The following INSR variants were observed in gnomAD, a reference collection of about 807,000 sequenced individuals.
INSR encodes the protein insulin receptor.
A neutral mutation model predicts 142.6 loss-of-function variants in INSR; 67 were observed. The observed-to-expected ratio is 0.47, with a 90% CI of 0.39 to 0.58. INSR has a LOEUF of 0.58. INSR is among the 20% of genes least tolerant of loss of function. The probability of loss-of-function intolerance (pLI) is 0.00; values close to 1 mark genes in which losing one functional copy is unlikely to be tolerated. For synonymous variants in INSR, 756 were observed against 743.1 expected (o/e 1.02, Z -0.28); for missense variants, 1,248 against 1,833.2 (o/e 0.68, Z 5.83).
At chr19:7,120,026 T>G (rs1972450241) in intron 20 of INSR, among the ~76,000 whole-genome samples, 1 of 152,190 alleles carries the variant, frequency 6.6e-6, no homozygotes, top group Non-Finnish European at 1.5e-5. Context: ...CCCAAATCAC[T>G]AAACTCAAGG....
intron 5 of INSR, 27 bp downstream of exon 5, chr19:7,172,263 G>A (rs1447349225): frequency 1.9e-6 from 3 of 1,612,976 alleles, no homozygotes; most frequent in Non-Finnish European, 2.5e-6. Flanking sequence ...TAGCACTCAG[G>A]CCATACACAC....
Position 7,125,853 on chromosome 19 carries a change from C to T in INSR, c.3014-326G>A, listed in dbSNP as rs1207792934. Among the ~76,000 whole-genome samples the T allele has an allele frequency of 6.6e-6, 1 of 152,076 alleles. No individual in the cohort carries two copies. The highest frequency in any genetic ancestry group is 2.1e-4 in the South Asian group (1 of 4,830). ...TGATGCTACTTCCCACCTGAGACTA[C>T]TGTTTCTGCAAAGTGCCAAGGGGAT... On this transcript the variant is annotated intron_variant, in intron 16 of 21. Coordinates refer to ENST00000302850, the MANE Select transcript of INSR (RefSeq NM_000208.4). The surrounding 1 kb of genome is among the most constrained non-coding windows in gnomAD (Gnocchi z 4.9).
At chr19:7,205,064 A>ACTC (rs2034259335) in intron 2 of INSR, among the ~76,000 whole-genome samples, 2 of 152,244 alleles carry the variant, frequency 1.3e-5, no homozygotes, top group Admixed American at 1.3e-4. Context: ...AGCTTGGGCA[A>ACTC]CAAAAGTGAA....
intron 13 of INSR, among the ~76,000 whole-genome samples, chr19:7,137,420 T>C (rs903079325): frequency 3.9e-5 from 6 of 151,900 alleles, no homozygotes; most frequent in African/African-American, 1.5e-4. Flanking sequence ...TGCAAAGAAA[T>C]GAGGTTTGGA....
At chr19:7,182,493 A>G (rs979367256) in intron 3 of INSR, among the ~76,000 whole-genome samples, 1 of 152,182 alleles carries the variant, frequency 6.6e-6, no homozygotes, top group Non-Finnish European at 1.5e-5. Context: ...AGCCTGGGTG[A>G]CAGAGTGAGG....
chr19:7,217,864 TTTTTTC>T (rs2145090738), intron 2 of INSR, among the ~76,000 whole-genome samples: 1 of 152,360 alleles, frequency 6.6e-6, no homozygotes, highest in Admixed American at 6.5e-5. Flanking sequence ...CGGCCTTCTT[TTTTTTC>T]TTTTGTAAAA....
At chr19:7,169,821 C>T (rs1017394728) in intron 6 of INSR, among the ~76,000 whole-genome samples, 12 of 152,098 alleles carry the variant, frequency 7.9e-5, no homozygotes, top group Admixed American at 2.0e-4. Flanking sequence ...GACTTCATCC[C>T]GTATCCGGTA....
At position 7,125,276 on chromosome 19, in the gene INSR, G is replaced by T. The variant is rs1227799129; in HGVS notation, c.3258+7C>A. 6.2e-7 allele frequency: 1 copy of T among 1,613,928 alleles called. No homozygotes were observed. Among genetic ancestry groups the T allele is most frequent in the Admixed American group, 1.7e-5 (1 of 60,018 alleles). ...GCCAGCCCATGTCCCACCCCCACTG[G>T]ACTCACCACGTGATGGCAGGTGAAG... is the stretch of plus-strand genomic sequence containing the variant. On this transcript the variant is annotated splice_region_variant and intron_variant, in intron 17 of 21. Coordinates refer to ENST00000302850, the MANE Select transcript of INSR (RefSeq NM_000208.4). The surrounding 1 kb of genome is among the most constrained non-coding windows in gnomAD (Gnocchi z 4.9).
Position 7,293,873 on chromosome 19 carries a change from G to T in INSR, c.19C>A (p.Arg7=), listed in dbSNP as rs1378312415. MATGGR[R]GAAAAPLLVA... ...AGCAGCGGCGCGGCCGCCGCCCCCC[G>T]CCGGCCCCCGGTGGCCATGGCTGCG... The change falls in exon 1 of 22, where the codon CGG becomes AGG. Residue 7 remains arginine (R), a synonymous_variant. Transcript: ENST00000302850. 2.1e-5 allele frequency: 26 copies of T among 1,238,390 alleles called. No individual in the cohort carries two copies. The East Asian group carries it at 8.6e-4, about 41-fold the overall frequency. The allele number at this position is 1,238,390 out of a possible 1,614,324, so 76.7% of individuals were successfully genotyped here.
intron 1 of INSR, among the ~76,000 whole-genome samples, chr19:7,282,092 C>T (rs1177775017): frequency 1.3e-5 from 2 of 152,254 alleles, no homozygotes; most frequent in Non-Finnish European, 1.5e-5. Flanking sequence ...CGGCGGGGCA[C>T]GGTGGCTCAC....
chr19:7,149,968 G>A (rs532074390), intron 11 of INSR, among the ~76,000 whole-genome samples: 1 of 39,080 alleles, frequency 2.6e-5, no homozygotes, highest in South Asian at 9.2e-4. Context: ...AAGGAAGGAA[G>A]GAAGGAAGGA....
chr19:7,260,462 G>A (rs1977024046), intron 2 of INSR, among the ~76,000 whole-genome samples: 1 of 152,168 alleles, frequency 6.6e-6, no homozygotes, highest in Admixed American at 6.6e-5. Context: ...AGAATTTCCA[G>A]AGCATCCCAT....
At chr19:7,151,645 A>C (rs541733656) in intron 10 of INSR, among the ~76,000 whole-genome samples, 37 of 151,934 alleles carry the variant, frequency 2.4e-4, no homozygotes, top group Admixed American at 1.6e-3. Flanking sequence ...TGTCCCCCTG[A>C]ACATTCTTTT....
chr19:7,180,857 G>A (rs902715910), intron 3 of INSR, among the ~76,000 whole-genome samples: 2 of 152,126 alleles, frequency 1.3e-5, no homozygotes, highest in Admixed American at 6.6e-5. Flanking sequence ...GAGCCCTCCC[G>A]ATGAGGAGTT....
intron 2 of INSR, among the ~76,000 whole-genome samples, chr19:7,199,890 C>A (rs1231014383): frequency 6.6e-6 from 1 of 152,028 alleles, no homozygotes; most frequent in Non-Finnish European, 1.5e-5. Flanking sequence ...ATCCCAGAGC[C>A]ATACACACAG....
At position 7,193,875 on chromosome 19, in the gene INSR, T is replaced by C. The variant is rs1974666108; in HGVS notation, c.653-9238A>G. Among the ~76,000 whole-genome samples the C allele has an allele frequency of 2.0e-5, 3 of 152,066 alleles. No individual in the cohort carries two copies. The South Asian group carries it at 6.2e-4, about 32-fold the overall frequency. On this transcript the variant is annotated intron_variant, in intron 2 of 21. Coordinates refer to ENST00000302850, the MANE Select transcript of INSR (RefSeq NM_000208.4). Reference sequence around the variant, plus strand: ...TGGCTAATTTTTGTATATGTATATATACATTTGGTAGAGATGAGGTCTCAC... The same window carrying C: ...TGGCTAATTTTTGTATATGTATATACACATTTGGTAGAGATGAGGTCTCAC...
intron 1 of INSR, among the ~76,000 whole-genome samples, chr19:7,293,448 A>C (rs952625497): frequency 1.8e-4 from 28 of 152,244 alleles, no homozygotes; most frequent in Admixed American, 1.8e-3. Flanking sequence ...CCGCGACCCA[A>C]AGATGACGCG....
intron 14 of INSR, 115 bp from the exon 15 acceptor site, chr19:7,129,069 G>T: frequency 1.3e-6 from 1 of 760,566 alleles, no homozygotes; most frequent in Non-Finnish European, 2.3e-6. Flanking sequence ...TCCCTCCCTT[G>T]TCCATAAACC....
rs997209329 is a variant in INSR at position 7,168,253 on chromosome 19, TGGG to T, written c.1484-162_1484-160del. On this transcript the variant is annotated intron_variant, in intron 6 of 21. Coordinates refer to ENST00000302850, the MANE Select transcript of INSR (RefSeq NM_000208.4). The surrounding 1 kb of genome is among the most constrained non-coding windows in gnomAD (Gnocchi z 4.3). ...CCCCATGTGCCTGGCTGAGTATGAA[TGGG>T]GGAAGATTCAAAGGTAAGAGCCAGT... Among the ~76,000 whole-genome samples the T allele has an allele frequency of 6.6e-6, 1 of 151,996 alleles. No homozygotes were observed. Among genetic ancestry groups the T allele is most frequent in the African/African-American group, 2.4e-5 (1 of 41,386 alleles).
Sources: allele counts gnomAD v4.1 joint callset (sites outside exome capture counted in the v4.1 genomes callset), GRCh38; gene constraint gnomAD v4.1.1; non-coding constraint Gnocchi (gnomAD v3.1); transcripts MANE v1.5; gene names NCBI Gene and HGNC (gene_info 2026-07-23, HGNC 2026-07-21).